SLIT2: variants seen among roughly 807,000 people sequenced by gnomAD.
SLIT2 encodes slit guidance ligand 2, also known as slit homolog 2 protein.
A neutral mutation model predicts 185.7 loss-of-function variants in SLIT2; 41 were observed. The observed-to-expected ratio is 0.22, with a 90% CI of 0.17 to 0.29. The LOEUF is 0.29. SLIT2 is among the 10% of genes least tolerant of loss of function. The pLI is 1.00. For synonymous variants in SLIT2, 693 were observed against 680.2 expected (o/e 1.02, Z -0.29); for missense variants, 1,571 against 1,909.0 (o/e 0.82, Z 3.30).
intron 4 of SLIT2, among the ~76,000 whole-genome samples, chr4:20,326,750 T>TC (rs1243989272): frequency 6.8e-6 from 1 of 147,614 alleles, no homozygotes; most frequent in East Asian, 2.0e-4. Context: ...TGAAACCTTT[T>TC]TTTTTTTTTT....
intron 7 of SLIT2, among the ~76,000 whole-genome samples, chr4:20,486,862 G>A (rs1335892130): frequency 6.6e-6 from 1 of 151,948 alleles, no homozygotes; most frequent in Non-Finnish European, 1.5e-5. Flanking sequence ...TTAAAGCCCA[G>A]GGTGGACTTT....
chr4:20,287,997 C>T (rs1224546416), intron 4 of SLIT2, among the ~76,000 whole-genome samples: 1 of 152,016 alleles, frequency 6.6e-6, no homozygotes, highest in African/African-American at 2.4e-5. Flanking sequence ...TGAAATGAAA[C>T]AAAATTTCAG....
At chr4:20,273,386 G>T (rs1053340038) in intron 4 of SLIT2, among the ~76,000 whole-genome samples, 3 of 152,078 alleles carry the variant, frequency 2.0e-5, no homozygotes, top group African/African-American at 7.2e-5. Flanking sequence ...ACTTAGACGT[G>T]TATTATGAAA....
chr4:20,364,277 A>G (rs1387626251), intron 4 of SLIT2: 5 of 985,164 alleles, frequency 5.1e-6, no homozygotes, highest in Non-Finnish European at 6.0e-6. Context: ...GCCTGCACAT[A>G]TGAAAGGGTA....
At chr4:20,274,495 C>A (rs1400499615) in intron 4 of SLIT2, among the ~76,000 whole-genome samples, 1 of 152,060 alleles carries the variant, frequency 6.6e-6, no homozygotes, top group East Asian at 1.9e-4. Context: ...TTTAAATCAA[C>A]GTGTAATCCT....
chr4:20,548,429 A>T lies in SLIT2; in HGVS notation c.2346-59A>T, dbSNP rs369179668. The T allele has an allele frequency of 8.6e-5, 73 of 846,886 alleles. No homozygotes were observed. The East Asian group carries it at 1.4e-3, about 16-fold the overall frequency. The allele number at this position is 846,886 out of a possible 1,614,324, so 52.5% of individuals were successfully genotyped here. A position where few individuals can be genotyped will look rare whatever the true frequency, so the allele number is the denominator to read the frequency against. ...TAAGAAGACCCTTCTCCTTCTAAGA[A>T]TCACTAATATTTTCATTTCTGTGGT... On this transcript the variant is annotated intron_variant, in intron 22 of 36. Coordinates refer to ENST00000504154, the MANE Select transcript of SLIT2 (RefSeq NM_004787.4).
intron 18 of SLIT2, among the ~76,000 whole-genome samples, chr4:20,534,022 T>C (rs1472718294): frequency 6.6e-6 from 1 of 152,154 alleles, no homozygotes; most frequent in Non-Finnish European, 1.5e-5. Flanking sequence ...TAGCAGATGA[T>C]CAGGAGCGTC....
chr4:20,532,301 T>C (rs1477124186), intron 17 of SLIT2, among the ~76,000 whole-genome samples: 3 of 152,214 alleles, frequency 2.0e-5, no homozygotes, highest in Non-Finnish European at 4.4e-5. Flanking sequence ...TGGTCTGTTA[T>C]GTGGCCACAG....
intron 30 of SLIT2, among the ~76,000 whole-genome samples, chr4:20,591,172 T>C (rs909540039): frequency 6.6e-6 from 1 of 152,216 alleles, no homozygotes; most frequent in African/African-American, 2.4e-5. Flanking sequence ...TTAATTCATC[T>C]TCTTAGAGAA....
rs1011343237 is a variant in SLIT2, at chr4:20,434,237, C to T, written c.396-33515C>T. On this transcript the variant is annotated intron_variant, in intron 4 of 36. Transcript: ENST00000504154. ...GCGTGGAGGCTCACACCTGTAATCC[C>T]AGCACTTTGGGAGGCCAAGGCCAGC... 3.3e-5 allele frequency among the ~76,000 whole-genome samples: 5 copies of T among 152,164 alleles called. 1 individual carries two copies. Among genetic ancestry groups the T allele is most frequent in the African/African-American group, 7.2e-5 (3 of 41,444 alleles).
chr4:20,432,068 TGAAGGAAGGAAG>T (rs943832758), intron 4 of SLIT2, among the ~76,000 whole-genome samples: 1 of 151,610 alleles, frequency 6.6e-6, no homozygotes, highest in Admixed American at 6.6e-5. Context: ...TGTGAATGAA[TGAAGGAAGGAAG>T]GAAGGAAGGA....
At chr4:20,366,488 GC>G in intron 4 of SLIT2, among the ~76,000 whole-genome samples, 1 of 152,240 alleles carries the variant, frequency 6.6e-6, no homozygotes, top group Non-Finnish European at 1.5e-5. Flanking sequence ...CATTCTAGTT[GC>G]CCAGAAGTAG....
chr4:20,457,295 T>A (rs1713180648), intron 4 of SLIT2, among the ~76,000 whole-genome samples: 1 of 151,914 alleles, frequency 6.6e-6, no homozygotes, highest in Non-Finnish European at 1.5e-5. Context: ...ATCAGTTGAG[T>A]ATAATATTCT....
intron 24 of SLIT2, among the ~76,000 whole-genome samples, chr4:20,550,238 T>C (rs1464993010): frequency 6.6e-6 from 1 of 152,116 alleles, no homozygotes; most frequent in African/African-American, 2.4e-5. Context: ...ATTTTATTTG[T>C]TTACTAAGCA....
At chr4:20,478,133 CACA>C (rs368945004) in intron 5 of SLIT2, among the ~76,000 whole-genome samples, 89 of 152,264 alleles carry the variant, frequency 5.8e-4, no homozygotes, top group African/African-American at 2.1e-3. Context: ...GTGATACCAG[CACA>C]ACACTTTATG....
At chr4:20,386,078 C>G (rs928987324) in intron 4 of SLIT2, among the ~76,000 whole-genome samples, 3 of 151,992 alleles carry the variant, frequency 2.0e-5, no homozygotes, top group African/African-American at 7.2e-5. Flanking sequence ...CCAAAAATGC[C>G]ATAATGTGTA....
chr4:20,488,980 G>T lies in SLIT2; in HGVS notation c.773G>T (p.Ser258Ile). 3.1e-6 allele frequency: 5 copies of T among 1,608,796 alleles called. No individual in the cohort carries two copies. Among genetic ancestry groups the T allele is most frequent in the Non-Finnish European group, 4.3e-6 (5 of 1,176,414 alleles). The change falls in exon 8 of 37, where the codon AGT (serine) becomes ATT (isoleucine). Residue 258 changes from serine to isoleucine, a missense_variant and splice_region_variant. Around this residue, in one of 3 missense-constraint regions of SLIT2, gnomAD observed 1,202 missense variants for 1,416.4 expected, o/e 0.85. Transcript: ENST00000504154. ...AEVQKREFVC[S>I]GHQSFMAPSC... ...GTTCAAAAACGAGAATTTGTCTGCA[G>T]TGGTAAGGGAGAAGGAAGAGTGATG...
chr4:20,352,163 C>T (rs189730019), intron 4 of SLIT2, among the ~76,000 whole-genome samples: 2 of 152,252 alleles, frequency 1.3e-5, no homozygotes, highest in African/African-American at 4.8e-5. Context: ...ATTGATTGAA[C>T]TCTTGTGTTA....
At position 20,401,000 on chromosome 4, in the gene SLIT2, C is replaced by A. The variant is rs867028103; in HGVS notation, c.396-66752C>A. 2.6e-5 allele frequency among the ~76,000 whole-genome samples: 4 copies of A among 151,844 alleles called. No individual in the cohort carries two copies. In the South Asian group the frequency reaches 8.3e-4, roughly 32 times the overall value. On this transcript the variant is annotated intron_variant, in intron 4 of 36. Coordinates refer to ENST00000504154, the MANE Select transcript of SLIT2 (RefSeq NM_004787.4). The stretch of plus-strand genomic sequence containing the variant: ...TGTTTAGGGTTGGAGCTACTTAGGG[C>A]ACATGTAACAAAAGCTTGAAAATAT...
Sources: gnomAD v4.1 joint callset for allele counts (sites outside exome capture counted in the v4.1 genomes callset) on GRCh38, gnomAD v4.1.1 for gene constraint, gnomAD v4.1.1 regional missense constraint, MANE v1.5 for transcripts, NCBI Gene and HGNC (gene_info 2026-07-23, HGNC 2026-07-21) for gene names.